MYZAP: variants seen among roughly 807,000 people sequenced by gnomAD.
MYZAP encodes the protein myocardial zonula adherens protein, also known as GRINL1A complex locus upstream.
In MYZAP, 66 loss-of-function variants were observed where a neutral mutation model predicts 69.4. The ratio of observed to expected loss-of-function variants is 0.95; its 90% CI spans 0.78 to 1.17. The LOEUF (loss-of-function observed/expected upper bound fraction) is 1.17. Ranked by LOEUF, MYZAP falls within the 50% of genes most tolerant of loss-of-function variation. MYZAP has a pLI of 0.00. For missense variants in MYZAP, 611 were observed against 556.2 expected (o/e 1.10, Z -0.99); for synonymous variants, 256 against 205.9 (o/e 1.24, Z -2.09).
chr15:57,614,599 GGC>G lies in MYZAP; in HGVS notation c.163-3433_163-3432del, dbSNP rs748592446. On this transcript the variant is annotated intron_variant, in intron 2 of 12. Coordinates refer to ENST00000267853, the MANE Select transcript of MYZAP (RefSeq NM_001018100.5). Reference sequence around the variant, plus strand: ...TAAAGGAACAGAAGGGAGGCAGTGAGGCAGGTGTGGGGTTGGGGATGGGCAGG... The same window carrying G: ...TAAAGGAACAGAAGGGAGGCAGTGAGAGGTGTGGGGTTGGGGATGGGCAGG... Among the ~76,000 whole-genome samples the G allele has an allele frequency of 3.3e-5, 5 of 152,218 alleles. No individual in the cohort carries two copies. In the East Asian group the frequency reaches 5.8e-4, roughly 18 times the overall value.
chr15:57,604,214 T>C, intron 1 of MYZAP, 55 bp from the exon 2 acceptor site: 1 of 1,590,396 alleles, frequency 6.3e-7, no homozygotes, highest in South Asian at 1.1e-5. Context: ...GTCATCTGGC[T>C]CTTTCTGCCC....
intron 3 of MYZAP, among the ~76,000 whole-genome samples, chr15:57,618,950 T>C (rs1316342181): frequency 1.3e-5 from 2 of 152,114 alleles, no homozygotes; most frequent in African/African-American, 4.8e-5. Flanking sequence ...TAAGAGGCAG[T>C]GTAGGGGCAG....
intron 3 of MYZAP, among the ~76,000 whole-genome samples, chr15:57,619,082 G>A (rs1447530555): frequency 7.9e-5 from 12 of 152,220 alleles, no homozygotes; most frequent in African/African-American, 2.9e-4. Context: ...GTGGGGGTTG[G>A]CTGGGCTTTG....
intron 12 of MYZAP, among the ~76,000 whole-genome samples, chr15:57,683,695 A>G (rs977333215): frequency 6.6e-6 from 1 of 152,242 alleles, no homozygotes; most frequent in Non-Finnish European, 1.5e-5. Flanking sequence ...AGGTGCCAGC[A>G]GATCCAGTGT....
intron 5 of MYZAP, 125 bp from the exon 6 acceptor site, chr15:57,629,577 G>A: frequency 2.3e-6 from 3 of 1,299,482 alleles, no homozygotes; most frequent in Non-Finnish European, 3.1e-6. Context: ...TCCCAGACTG[G>A]CAGTTGCTGT....
chr15:57,655,633 A>G (rs2037975507), intron 10 of MYZAP, among the ~76,000 whole-genome samples: 1 of 152,180 alleles, frequency 6.6e-6, no homozygotes, highest in Non-Finnish European at 1.5e-5. Context: ...TAAGAAACTA[A>G]AAGAACTTTT....
At chr15:57,597,758 C>T (rs1360720031) in intron 1 of MYZAP, among the ~76,000 whole-genome samples, 3 of 152,206 alleles carry the variant, frequency 2.0e-5, no homozygotes, top group Admixed American at 6.5e-5. Context: ...GTTCGCCCCA[C>T]CCTGATGTAG....
chr15:57,671,229 T>C (rs1252896743), intron 11 of MYZAP, among the ~76,000 whole-genome samples: 1 of 152,162 alleles, frequency 6.6e-6, no homozygotes, highest in African/African-American at 2.4e-5. Flanking sequence ...TTTCTCTTGG[T>C]ACTCATTGTT....
chr15:57,593,190 A>ATGCGCGCGCGCGCGTG (rs376306761), intron 1 of MYZAP, among the ~76,000 whole-genome samples: 5 of 108,254 alleles, frequency 4.6e-5, no homozygotes, highest in African/African-American at 1.4e-4. Flanking sequence ...ACACAGGCGC[A>ATGCGCGCGCGCGCGTG]CACACACACA....
At chr15:57,629,912 C>A in intron 6 of MYZAP, 58 bp downstream of exon 6, 1 of 1,563,578 alleles carries the variant, frequency 6.4e-7, no homozygotes, top group South Asian at 1.2e-5. Context: ...TTACTTCTCC[C>A]TTTTCTCTTC....
intron 1 of MYZAP, among the ~76,000 whole-genome samples, chr15:57,592,684 A>G (rs1374380960): frequency 2.0e-5 from 3 of 152,186 alleles, no homozygotes; most frequent in African/African-American, 7.2e-5. Context: ...AGTGACAACA[A>G]TGGCAGCACT....
intron 2 of MYZAP, among the ~76,000 whole-genome samples, chr15:57,611,499 G>A (rs1015857525): frequency 3.3e-5 from 5 of 151,958 alleles, no homozygotes; most frequent in South Asian, 2.1e-4. Context: ...TATTGTCTGC[G>A]TTGAAGCTGT....
chr15:57,654,976 C>A (rs1240284358), intron 10 of MYZAP, among the ~76,000 whole-genome samples: 3 of 151,754 alleles, frequency 2.0e-5, no homozygotes, highest in African/African-American at 7.3e-5. Context: ...GAGAAGTTAT[C>A]TTTTATATGA....
chr15:57,639,920 G>GTCTC (rs60801458), intron 10 of MYZAP, among the ~76,000 whole-genome samples: 7 of 150,000 alleles, frequency 4.7e-5, no homozygotes, highest in South Asian at 2.1e-4. Context: ...CCGTCTGTCT[G>GTCTC]TCTCTCTCTC....
rs781746788 is a variant in MYZAP at position 57,684,540 on chromosome 15, TG to T, written c.*44del. 1.3e-5 allele frequency: 17 copies of T among 1,263,158 alleles called. No individual in the cohort carries two copies. The highest frequency in any genetic ancestry group is 1.9e-5 in the Non-Finnish European group (17 of 875,740). The allele number at this position is 1,263,158 out of a possible 1,614,324, so 78.2% of individuals were successfully genotyped here. A position where few individuals can be genotyped will look rare whatever the true frequency, so the allele number is the denominator to read the frequency against. On this transcript the variant is annotated 3_prime_UTR_variant, in exon 13 of 13. Coordinates refer to ENST00000267853, the MANE Select transcript of MYZAP (RefSeq NM_001018100.5). Reference sequence around the variant, plus strand: ...ACTTTTTACAGATGGACAAAAGCTCTGGAACCCTGTGGCTTCAAATCCTTTG... The same window carrying T: ...ACTTTTTACAGATGGACAAAAGCTCTGAACCCTGTGGCTTCAAATCCTTTG...
chr15:57,651,875 C>T (rs753026468), intron 10 of MYZAP, among the ~76,000 whole-genome samples: 15 of 152,080 alleles, frequency 9.9e-5, no homozygotes, highest in African/African-American at 2.7e-4. Context: ...TTTAGGTACC[C>T]GGGGGAGCCA....
intron 10 of MYZAP, chr15:57,646,783 C>T (rs1390706778): frequency 1.0e-6 from 1 of 985,336 alleles, no homozygotes; most frequent in African/African-American, 1.7e-5. Context: ...TAGCTTGCTT[C>T]TATCACCATC....
intron 10 of MYZAP, chr15:57,647,619 T>A: frequency 1.0e-6 from 1 of 985,452 alleles, no homozygotes; most frequent in African/African-American, 1.7e-5. Context: ...TTTTGGGCTA[T>A]GAACCGTACC....
chr15:57,663,001 T>C (rs2038387818), intron 11 of MYZAP, among the ~76,000 whole-genome samples: 1 of 152,230 alleles, frequency 6.6e-6, no homozygotes, highest in Non-Finnish European at 1.5e-5. Flanking sequence ...AGTCATTGGC[T>C]CAGTGCCAGC....
Sources: allele counts gnomAD v4.1 joint callset (sites outside exome capture counted in the v4.1 genomes callset), GRCh38; gene constraint gnomAD v4.1.1; transcripts MANE v1.5; gene names NCBI Gene and HGNC (gene_info 2026-07-23, HGNC 2026-07-21).